The following RNF138 variants were observed in gnomAD, a reference collection of about 807,000 sequenced individuals.
The protein encoded by RNF138 is ring finger protein 138.
RNF138 carries 12 observed loss-of-function variants against 31.0 expected under a neutral mutation model. The observed-to-expected ratio is 0.39, with a 90% CI of 0.25 to 0.63. RNF138 has a LOEUF of 0.63. RNF138 is among the 20% of genes least tolerant of loss of function. The pLI, the probability that RNF138 is intolerant of heterozygous loss-of-function variation, is 0.52. For missense variants in RNF138, 192 were observed against 300.1 expected (o/e 0.64, Z 2.66); for synonymous variants, 105 against 99.5 (o/e 1.06, Z -0.33).
intron 4 of RNF138, among the ~76,000 whole-genome samples, chr18:32,121,445 C>T (rs1002292464): frequency 3.3e-5 from 5 of 152,108 alleles, no homozygotes; most frequent in African/African-American, 4.8e-5. Flanking sequence ...TGGTGAGCCG[C>T]GGTCGCGCCA....
chr18:32,105,751 C>G (rs9967305), intron 2 of RNF138, among the ~76,000 whole-genome samples: 1 of 152,090 alleles, frequency 6.6e-6, no homozygotes, highest in African/African-American at 2.4e-5. Context: ...AAAAAATTTC[C>G]ATATCGGAAG....
intron 2 of RNF138, among the ~76,000 whole-genome samples, chr18:32,097,865 G>T (rs1449771353): frequency 2.0e-5 from 3 of 151,530 alleles, no homozygotes; most frequent in African/African-American, 7.3e-5. Flanking sequence ...TGTTGCTCGG[G>T]CTATATATAT....
chr18:32,108,520 A>G (rs2040073756), intron 2 of RNF138, among the ~76,000 whole-genome samples: 1 of 152,120 alleles, frequency 6.6e-6, no homozygotes, highest in Admixed American at 6.6e-5. Context: ...AATACATCAT[A>G]TTGTAATTTT....
chr18:32,102,346 C>T (rs933589091), intron 2 of RNF138, among the ~76,000 whole-genome samples: 23 of 150,292 alleles, frequency 1.5e-4, no homozygotes, highest in Non-Finnish European at 2.7e-4. Flanking sequence ...GGACTACAGG[C>T]GCCCGCCGCC....
intron 2 of RNF138, among the ~76,000 whole-genome samples, chr18:32,109,743 C>T (rs773272663): frequency 1.9e-4 from 29 of 152,124 alleles, no homozygotes; most frequent in Non-Finnish European, 1.2e-4. Flanking sequence ...AAAAATTAGC[C>T]GTCGCAGTGG....
intron 1 of RNF138, chr18:32,092,492 C>T (rs1016674918): frequency 7.7e-5 from 32 of 413,396 alleles, no homozygotes; most frequent in Admixed American, 1.4e-4. Flanking sequence ...CGGGGCGGGC[C>T]CACGGCATGC....
At position 32,130,818 on chromosome 18, in the gene RNF138, G is replaced by A. The variant is rs895321232; in HGVS notation, c.*1631G>A. On this transcript the variant is annotated 3_prime_UTR_variant, in exon 8 of 8. Coordinates refer to ENST00000261593, the MANE Select transcript of RNF138 (RefSeq NM_016271.5). ...AAGCCATACATCTTAATGAACATAC[G>A]CCTTTGTTCTGTCATTTTAAAGAGT... 7 of 152,352 alleles carry A rather than the reference G, an allele frequency of 4.6e-5. No homozygotes were observed. The highest frequency in any genetic ancestry group is 2.1e-4 in the South Asian group (1 of 4,830). The allele number at this position is 152,352 out of a possible 1,614,324, so 9.4% of individuals were successfully genotyped here.
chr18:32,127,010 A>G (rs2040395065), intron 7 of RNF138, among the ~76,000 whole-genome samples: 1 of 152,138 alleles, frequency 6.6e-6, no homozygotes, highest in East Asian at 1.9e-4. Context: ...CCTGTACTAG[A>G]GAGAGAATTA....
At chr18:32,101,866 A>G (rs1007325584) in intron 2 of RNF138, among the ~76,000 whole-genome samples, 2 of 151,918 alleles carry the variant, frequency 1.3e-5, no homozygotes, top group African/African-American at 2.4e-5. Flanking sequence ...GGCTGCATGC[A>G]TTTTTCCATA....
intron 2 of RNF138, among the ~76,000 whole-genome samples, chr18:32,094,312 C>T (rs1191265408): frequency 1.3e-5 from 2 of 151,806 alleles, no homozygotes; most frequent in East Asian, 3.9e-4. Flanking sequence ...GATACCAACT[C>T]TTCTCATTTT....
At chr18:32,120,481 TG>T (rs1306808202) in intron 4 of RNF138, among the ~76,000 whole-genome samples, 2 of 152,234 alleles carry the variant, frequency 1.3e-5, no homozygotes, top group African/African-American at 4.8e-5. Context: ...AATAATTTTT[TG>T]TTTTTGTTTT....
intron 4 of RNF138, among the ~76,000 whole-genome samples, chr18:32,120,865 T>C (rs1217268364): frequency 1.3e-5 from 2 of 152,116 alleles, no homozygotes; most frequent in African/African-American, 4.8e-5. Flanking sequence ...TAGTACTGGC[T>C]GGGGGCGGTG....
intron 6 of RNF138, 124 bp downstream of exon 6, chr18:32,124,969 A>T (rs2040361652): frequency 6.7e-6 from 4 of 593,264 alleles, no homozygotes; most frequent in Non-Finnish European, 1.2e-5. Context: ...TCAGTAAGGT[A>T]GATTTTTGTC....
rs189973853 is a variant in RNF138 at position 32,095,883 on chromosome 18, T to C, written c.110+2997T>C. ...GACCTATAAATGAGTGTGATTGATA[T>C]AGAAGAGATTTTATGTGAGCATCTA... On this transcript the variant is annotated intron_variant, in intron 2 of 7. Transcript: ENST00000261593. Among the ~76,000 whole-genome samples the C allele has an allele frequency of 9.2e-5, 14 of 152,336 alleles. No homozygotes were observed. The East Asian group carries it at 1.9e-3, about 21-fold the overall frequency.
At position 32,093,387 on chromosome 18, in the gene RNF138, T is replaced by C. The variant is rs905132956; in HGVS notation, c.110+501T>C. Among the ~76,000 whole-genome samples, 38 of 152,268 alleles carry C rather than the reference T, an allele frequency of 2.5e-4. 1 individual carries two copies. Among genetic ancestry groups the C allele is most frequent in the Non-Finnish European group, 1.8e-4 (12 of 68,002 alleles). ...CTTTCAAGTTTCCTCTTTCAGAACCTTGGTCCGTCCCCTCGGTCCAAGAGC... is the reference window on the plus strand; with the variant it reads ...CTTTCAAGTTTCCTCTTTCAGAACCCTGGTCCGTCCCCTCGGTCCAAGAGC... On this transcript the variant is annotated intron_variant, in intron 2 of 7. Transcript: ENST00000261593.
rs556198496 is a variant in RNF138 at position 32,111,085 on chromosome 18, G to A, written c.111-669G>A. The stretch of plus-strand genomic sequence containing the variant: ...GTGAGCCACCGTGCCCGGCAAAGCC[G>A]GAAGTATTCTTAAGTATTTCTCAAA... On this transcript the variant is annotated intron_variant, in intron 2 of 7. Coordinates refer to ENST00000261593, the MANE Select transcript of RNF138 (RefSeq NM_016271.5). 9.2e-5 allele frequency among the ~76,000 whole-genome samples: 14 copies of A among 152,318 alleles called. No homozygotes were observed. The East Asian group carries it at 2.7e-3, about 29-fold the overall frequency.
chr18:32,107,116 C>CTTTTTTTTTTT (rs58774714), intron 2 of RNF138, among the ~76,000 whole-genome samples: 2 of 100,594 alleles, frequency 2.0e-5, no homozygotes, highest in African/African-American at 4.0e-5. Context: ...TCCTTTTTTC[C>CTTTTTTTTTTT]TTTTTTTTTT....
chr18:32,100,836 C>CTCAAG (rs938285173), intron 2 of RNF138, among the ~76,000 whole-genome samples: 2 of 152,182 alleles, frequency 1.3e-5, no homozygotes, highest in Admixed American at 6.5e-5. Context: ...AATGCCTGAG[C>CTCAAG]TCAAGCGATC....
intron 4 of RNF138, among the ~76,000 whole-genome samples, chr18:32,121,812 G>A (rs965008744): frequency 6.6e-6 from 1 of 152,070 alleles, no homozygotes; most frequent in Non-Finnish European, 1.5e-5. Flanking sequence ...TTATTTTAAA[G>A]AGCAGGTTTT....
Sources: allele counts gnomAD v4.1 joint callset (sites outside exome capture counted in the v4.1 genomes callset), GRCh38; gene constraint gnomAD v4.1.1; transcripts MANE v1.5; gene names NCBI Gene and HGNC (gene_info 2026-07-23, HGNC 2026-07-21).